The following ROCK2 variants were observed in gnomAD, a reference collection of about 807,000 sequenced individuals.
ROCK2 encodes the protein Rho associated coiled-coil containing protein kinase 2.
In ROCK2, 61 loss-of-function variants were observed where a neutral mutation model predicts 195.1. The ratio of observed to expected loss-of-function variants is 0.31; its 90% CI spans 0.25 to 0.39. The LOEUF is 0.39. Ranked by LOEUF, ROCK2 falls within the 10% of genes least tolerant of loss-of-function variation. ROCK2 has a pLI of 1.00. For missense variants in ROCK2, 1,109 were observed against 1,637.4 expected, an observed-to-expected ratio of 0.68 and a Z score of 5.57; for synonymous variants, 504 against 545.5, an observed-to-expected ratio of 0.92 and a Z score of 1.06.
chr2:11,213,376 C>A (rs936979557), intron 17 of ROCK2, among the ~76,000 whole-genome samples: 1 of 152,004 alleles, frequency 6.6e-6, no homozygotes, highest in Non-Finnish European at 1.5e-5. Flanking sequence ...TACCTCATGC[C>A]GAGCTCTGTA....
At chr2:11,229,150 A>C (rs1664913463) in intron 5 of ROCK2, among the ~76,000 whole-genome samples, 1 of 152,178 alleles carries the variant, frequency 6.6e-6, no homozygotes, top group African/African-American at 2.4e-5. Flanking sequence ...CTATATAGTA[A>C]TAGTAATTAC....
At chr2:11,335,503 C>T (rs1354584327) in intron 1 of ROCK2, among the ~76,000 whole-genome samples, 1 of 152,092 alleles carries the variant, frequency 6.6e-6, no homozygotes, top group East Asian at 1.9e-4. Flanking sequence ...ATTCTCTCCA[C>T]CAGTAATCCT....
chr2:11,193,699 G>A, intron 30 of ROCK2, 80 bp downstream of exon 30: 1 of 723,632 alleles, frequency 1.4e-6, no homozygotes, highest in Non-Finnish European at 2.3e-6. Flanking sequence ...GATTTAACAT[G>A]TCATGTCACT....
At chr2:11,283,808 T>C (rs777075902) in intron 3 of ROCK2, among the ~76,000 whole-genome samples, 3 of 152,148 alleles carry the variant, frequency 2.0e-5, no homozygotes, top group Admixed American at 1.3e-4. Context: ...TCATTGCTGG[T>C]AGGAATGCAA....
Position 11,194,745 on chromosome 2 carries a change from CA to C in ROCK2, c.3519+209del, listed in dbSNP as rs377248817. On this transcript the variant is annotated intron_variant, in intron 28 of 32. Transcript: ENST00000315872. ...AGTATCAAAATCAACAATTTCCTAA[CA>C]ATAAAATCTGTCTTATTATTAACAA... Among the ~76,000 whole-genome samples, 68 of 151,862 alleles carry C rather than the reference CA, an allele frequency of 4.5e-4. No individual in the cohort carries two copies. In the East Asian group the frequency reaches 6.2e-3, roughly 14 times the overall value.
chr2:11,252,390 GA>G (rs528040157), intron 3 of ROCK2, among the ~76,000 whole-genome samples: 11,161 of 133,224 alleles, frequency 0.084, 494 homozygotes, highest in African/African-American at 0.088. Context: ...CAGCCTGGGT[GA>G]AAAAAAAAAA....
rs1327097671 is a variant in ROCK2 at position 11,344,316 on chromosome 2, C to G, written c.-180G>C. The G allele has an allele frequency of 2.5e-6, 3 of 1,187,690 alleles. No homozygotes were observed. The highest frequency in any genetic ancestry group is 1.0e-4 in the Admixed American group (2 of 20,070). 73.6% of individuals were successfully genotyped at this position (1,187,690 alleles called of 1,614,324 possible). A position where few individuals can be genotyped will look rare whatever the true frequency, so the allele number is the denominator to read the frequency against. On this transcript the variant is annotated 5_prime_UTR_variant, in exon 1 of 33. Coordinates refer to ENST00000315872, the MANE Select transcript of ROCK2 (RefSeq NM_004850.5). The surrounding 1 kb of genome is among the most constrained non-coding windows in gnomAD (Gnocchi z 5.4). Reference sequence around the variant, plus strand: ...CGCCTGGGGGCTGCTCCCAGGGGCCCGCCCGGCCCAGCCCGGCCCAGCCCG... The same window carrying G: ...CGCCTGGGGGCTGCTCCCAGGGGCCGGCCCGGCCCAGCCCGGCCCAGCCCG...
chr2:11,215,272 G>A (rs1478557445), intron 15 of ROCK2, 49 bp downstream of exon 15: 13 of 1,450,828 alleles, frequency 9.0e-6, no homozygotes, highest in South Asian at 6.5e-5. Flanking sequence ...TAATGTTATC[G>A]CGTTAAAAAT....
rs372604145 is a variant in ROCK2 at position 11,272,325 on chromosome 2, A to G, written c.324+14214T>C. 1.6e-3 allele frequency among the ~76,000 whole-genome samples: 247 copies of G among 152,320 alleles called. 1 individual carries two copies. The highest frequency in any genetic ancestry group is 5.2e-3 in the African/African-American group (218 of 41,564). ...AAAATCTCAATAAAGGTAAATACAC[A>G]CACAATTATAAAGTCCAGTATTACT... On this transcript the variant is annotated intron_variant, in intron 3 of 32. Transcript: ENST00000315872.
At chr2:11,319,624 C>A (rs890555483) in intron 1 of ROCK2, among the ~76,000 whole-genome samples, 38 of 152,132 alleles carry the variant, frequency 2.5e-4, no homozygotes, top group Non-Finnish European at 4.3e-4. Flanking sequence ...CTGGCCAGAA[C>A]TTCCAACACT....
intron 3 of ROCK2, among the ~76,000 whole-genome samples, chr2:11,257,226 G>A (rs867448085): frequency 5.3e-5 from 8 of 151,330 alleles, no homozygotes; most frequent in South Asian, 2.1e-4. Context: ...GGAAGACAGC[G>A]ATCAAAAGGC....
chr2:11,280,895 G>C (rs1437988867), intron 3 of ROCK2, among the ~76,000 whole-genome samples: 1 of 152,042 alleles, frequency 6.6e-6, no homozygotes, highest in African/African-American at 2.4e-5. Context: ...AATATTTCCA[G>C]AATCATTCTA....
chr2:11,287,805 T>G, intron 1 of ROCK2, 69 bp from the exon 2 acceptor site: 1 of 566,588 alleles, frequency 1.8e-6, no homozygotes, highest in Non-Finnish European at 2.9e-6. Context: ...AAAAGTCTTT[T>G]AATTTTATTT....
intron 9 of ROCK2, among the ~76,000 whole-genome samples, chr2:11,220,600 A>T (rs528678234): frequency 2.0e-5 from 3 of 152,218 alleles, no homozygotes; most frequent in African/African-American, 7.2e-5. Flanking sequence ...ATGACATAGT[A>T]GCACCTGCTC....
rs781363353 is a variant in ROCK2 at position 11,215,307 on chromosome 2, T to G, written c.1689+14A>C. ...TAAAACCCAGTATCTTTACTACAAA[T>G]TAGATCCACCTACTTGTCTCTGGAG... is the stretch of plus-strand genomic sequence containing the variant. On this transcript the variant is annotated intron_variant, in intron 15 of 32. Coordinates refer to ENST00000315872, the MANE Select transcript of ROCK2 (RefSeq NM_004850.5). 2 of 1,565,780 alleles carry G rather than the reference T, an allele frequency of 1.3e-6. No individual in the cohort carries two copies. The highest frequency in any genetic ancestry group is 1.7e-6 in the Non-Finnish European group (2 of 1,153,338).
intron 3 of ROCK2, among the ~76,000 whole-genome samples, chr2:11,276,330 T>C (rs753638212): frequency 1.3e-5 from 2 of 152,172 alleles, no homozygotes; most frequent in Non-Finnish European, 2.9e-5. Flanking sequence ...TTAGGCAAAA[T>C]TGCGGCATAC....
At chr2:11,335,481 T>C (rs1668902087) in intron 1 of ROCK2, among the ~76,000 whole-genome samples, 2 of 152,338 alleles carry the variant, frequency 1.3e-5, no homozygotes, top group African/African-American at 4.8e-5. Flanking sequence ...TAAGTTGCAC[T>C]GAGTCATCCA....
Position 11,192,117 on chromosome 2 carries a change from T to C in ROCK2, c.4163+31A>G. On this transcript the variant is annotated intron_variant, in intron 32 of 32. Coordinates refer to ENST00000315872, the MANE Select transcript of ROCK2 (RefSeq NM_004850.5). The surrounding 1 kb of genome is among the most constrained non-coding windows in gnomAD (Gnocchi z 5.0). ...TAGCAAAATATTTTAATAGACTTTT[T>C]TTTTTTCCTTACCACATTTTAGTTT... The C allele has an allele frequency of 6.9e-7, 1 of 1,450,212 alleles. No homozygotes were observed. The highest frequency in any genetic ancestry group is 9.4e-7 in the Non-Finnish European group (1 of 1,062,008). 89.8% of individuals were successfully genotyped at this position (1,450,212 alleles called of 1,614,324 possible). A position where few individuals can be genotyped will look rare whatever the true frequency, so the allele number is the denominator to read the frequency against.
chr2:11,299,104 T>C (rs1667627958), intron 1 of ROCK2, among the ~76,000 whole-genome samples: 1 of 142,978 alleles, frequency 7.0e-6, no homozygotes, highest in Non-Finnish European at 1.5e-5. Context: ...CTGTCTCTAC[T>C]AAAAAAAAAA....
Sources: gnomAD v4.1 joint callset for allele counts (sites outside exome capture counted in the v4.1 genomes callset) on GRCh38, gnomAD v4.1.1 for gene constraint, Gnocchi (gnomAD v3.1) non-coding constraint, MANE v1.5 for transcripts, NCBI Gene and HGNC (gene_info 2026-07-23, HGNC 2026-07-21) for gene names.